Variants in KIAA0825 observed in about 807,000 individuals in gnomAD.
The protein encoded by KIAA0825 is KIAA0825.
In KIAA0825, 119 loss-of-function variants were observed where a neutral mutation model predicts 147.6. The observed-to-expected ratio is 0.81, with a 90% confidence interval of 0.69 to 0.94. The LOEUF (loss-of-function observed/expected upper bound fraction) is 0.94. KIAA0825 is among the 40% of genes least tolerant of loss of function. The pLI, the probability that KIAA0825 is intolerant of heterozygous loss-of-function variation, is 0.00. For missense variants in KIAA0825, 1,381 were observed against 1,472.7 expected, an observed-to-expected ratio of 0.94 and a Z score of 1.02; for synonymous variants, 470 against 518.1, an observed-to-expected ratio of 0.91 and a Z score of 1.26.
At chr5:94,430,475 G>A (rs534492184) in intron 14 of KIAA0825, among the ~76,000 whole-genome samples, 1 of 152,128 alleles carries the variant, frequency 6.6e-6, no homozygotes, top group Non-Finnish European at 1.5e-5. Context: ...AAGAAATAAT[G>A]GCTCTTCTAG....
chr5:94,234,132 C>T (rs1028727885), intron 20 of KIAA0825, among the ~76,000 whole-genome samples: 6 of 151,778 alleles, frequency 4.0e-5, no homozygotes, highest in African/African-American at 9.7e-5. Context: ...TTTGGGAGGC[C>T]GAGGCGGGTG....
chr5:94,546,517 CAGAG>C (rs34483380), intron 2 of KIAA0825, among the ~76,000 whole-genome samples: 23,584 of 148,800 alleles, frequency 0.16, 1,892 homozygotes, highest in Admixed American at 0.23. Context: ...TGGCTCAGCA[CAGAG>C]AGAGAGAGAG....
intron 20 of KIAA0825, among the ~76,000 whole-genome samples, chr5:94,356,610 CA>C (rs1008463770): frequency 1.4e-5 from 2 of 145,144 alleles, no homozygotes; most frequent in Admixed American, 6.9e-5. Context: ...GACTCTGTCT[CA>C]AAAAAAACAA....
intron 1 of KIAA0825, chr5:94,612,030 C>T (rs772394152): frequency 6.6e-6 from 1 of 151,988 alleles, no homozygotes; most frequent in Non-Finnish European, 1.5e-5. Context: ...TGTGTTTAAC[C>T]ACATGATGCC....
At chr5:94,263,665 C>CTCT (rs1554251419) in intron 20 of KIAA0825, among the ~76,000 whole-genome samples, 2 of 150,830 alleles carry the variant, frequency 1.3e-5, no homozygotes, top group Non-Finnish European at 3.0e-5. Flanking sequence ...CTCTCTCTCT[C>CTCT]TTTTTTTTTG....
At chr5:94,265,244 T>C (rs1387740345) in intron 20 of KIAA0825, among the ~76,000 whole-genome samples, 5 of 152,212 alleles carry the variant, frequency 3.3e-5, no homozygotes, top group Non-Finnish European at 5.9e-5. Context: ...TTTAATGTTA[T>C]CATTGGCACT....
At chr5:94,256,117 A>G (rs1012031077) in intron 20 of KIAA0825, among the ~76,000 whole-genome samples, 3 of 152,074 alleles carry the variant, frequency 2.0e-5, no homozygotes, top group African/African-American at 7.2e-5. Context: ...GTCAAGGACC[A>G]TTGGGGTTGC....
chr5:94,444,074 A>C lies in KIAA0825; in HGVS notation c.2358-3953T>G, dbSNP rs1309628784. ...ACTGTGGCCCCAACAGACAAACTAC[A>C]TAGATCTGAGAGACAAGGGGTGAAA... On this transcript the variant is annotated intron_variant, in intron 13 of 20. Transcript: ENST00000682413. Among the ~76,000 whole-genome samples, 3 of 152,202 alleles carry C rather than the reference A, an allele frequency of 2.0e-5. No individual in the cohort carries two copies. In the East Asian group the frequency reaches 5.8e-4, roughly 29 times the overall value.
intron 20 of KIAA0825, among the ~76,000 whole-genome samples, chr5:94,299,892 A>C (rs1778309161): frequency 6.6e-6 from 1 of 150,484 alleles, no homozygotes; most frequent in Admixed American, 6.7e-5. Flanking sequence ...AAATGAGGGC[A>C]AAGAAATAAA....
At chr5:94,331,541 G>A (rs564459656) in intron 20 of KIAA0825, among the ~76,000 whole-genome samples, 3 of 152,104 alleles carry the variant, frequency 2.0e-5, no homozygotes, top group African/African-American at 4.8e-5. Flanking sequence ...GGAAATTAAC[G>A]AAGAAACAAT....
intron 18 of KIAA0825, among the ~76,000 whole-genome samples, chr5:94,388,704 G>C (rs1749510170): frequency 6.6e-6 from 1 of 152,228 alleles, no homozygotes; most frequent in Middle Eastern, 3.4e-3. Context: ...CTCCTTTGTT[G>C]ATCTTTCTAG....
intron 1 of KIAA0825, among the ~76,000 whole-genome samples, chr5:94,614,659 C>T (rs1789910189): frequency 6.6e-6 from 1 of 152,066 alleles, no homozygotes; most frequent in African/African-American, 2.4e-5. Context: ...ATGGCACAAA[C>T]TCAATATTAC....
intron 1 of KIAA0825, among the ~76,000 whole-genome samples, chr5:94,586,610 G>A (rs1022766635): frequency 6.6e-6 from 1 of 152,084 alleles, no homozygotes; most frequent in Non-Finnish European, 1.5e-5. Flanking sequence ...TTCTACCAGA[G>A]GTACAAGGAT....
At chr5:94,473,653 T>G (rs1157426558) in intron 7 of KIAA0825, 134 bp from the exon 8 acceptor site, 1 of 641,232 alleles carries the variant, frequency 1.6e-6, no homozygotes, top group African/African-American at 1.8e-5. Context: ...AAGCCATTCT[T>G]ACAACCTAAA....
intron 10 of KIAA0825, among the ~76,000 whole-genome samples, chr5:94,466,736 C>CAAAAAAAA (rs56785201): frequency 3.3e-5 from 2 of 61,372 alleles, no homozygotes; most frequent in Non-Finnish European, 6.0e-5. Flanking sequence ...GACTGTGTCT[C>CAAAAAAAA]AAAAAAAAAA....
At chr5:94,199,420 C>T (rs1771452048) in intron 20 of KIAA0825, among the ~76,000 whole-genome samples, 1 of 152,094 alleles carries the variant, frequency 6.6e-6, no homozygotes, top group South Asian at 2.1e-4. Context: ...ACCAGAGGAG[C>T]CAAGGTACTC....
At chr5:94,333,619 G>C (rs1469750859) in intron 20 of KIAA0825, among the ~76,000 whole-genome samples, 3 of 152,232 alleles carry the variant, frequency 2.0e-5, no homozygotes, top group African/African-American at 7.2e-5. Context: ...ATGCTGTCTT[G>C]GTTACTGTAG....
chr5:94,181,172 A>G (rs940160656), intron 20 of KIAA0825, among the ~76,000 whole-genome samples: 2 of 152,216 alleles, frequency 1.3e-5, no homozygotes, highest in African/African-American at 2.4e-5. Context: ...AATTTTAGCA[A>G]TGTCTCCCAA....
chr5:94,250,603 C>T (rs1294504999), intron 20 of KIAA0825, among the ~76,000 whole-genome samples: 1 of 152,092 alleles, frequency 6.6e-6, no homozygotes, highest in African/African-American at 2.4e-5. Flanking sequence ...ATTACAAAGC[C>T]TCCTGCAACA....
Sources: allele counts gnomAD v4.1 joint callset (sites outside exome capture counted in the v4.1 genomes callset), GRCh38; gene constraint gnomAD v4.1.1; transcripts MANE v1.5; gene names NCBI Gene and HGNC (gene_info 2026-07-23, HGNC 2026-07-21).